C3orf20: variants seen among roughly 807,000 people sequenced by gnomAD.
C3orf20 encodes family with sequence similarity 149 member C, also known as uncharacterized protein C3orf20.
A neutral mutation model predicts 88.3 loss-of-function variants in C3orf20; 76 were observed. The ratio of observed to expected loss-of-function variants is 0.86; its 90% confidence interval spans 0.72 to 1.04. The LOEUF (loss-of-function observed/expected upper bound fraction) is 1.04, where lower values mean the gene tolerates loss of function less well. C3orf20 is among the 50% of genes least tolerant of loss of function. C3orf20 has a pLI of 0.00. For synonymous variants in C3orf20, 436 were observed against 437.4 expected (o/e 1.00, Z 0.04); for missense variants, 1,056 against 1,123.3 (o/e 0.94, Z 0.86).
chr3:14,690,300 T>A (rs559124794), intron 5 of C3orf20, among the ~76,000 whole-genome samples, 184 bp downstream of exon 5: 1 of 152,298 alleles, frequency 6.6e-6, no homozygotes, highest in South Asian at 2.1e-4. Flanking sequence ...GGAAAGGTTG[T>A]CACAGTCCAG....
chr3:14,721,709 C>T lies in C3orf20; in HGVS notation c.1491C>T (p.Phe497=), dbSNP rs2034168426. ...VLGQDSITVT[F]TSLNETVTLT... is the part of the protein sequence containing the mutation. Reference sequence around the variant, plus strand: ...GACAGGACTCCATCACAGTCACCTTCACCTCCCTGAATGAGACAGTAACAC... The same window carrying T: ...GACAGGACTCCATCACAGTCACCTTTACCTCCCTGAATGAGACAGTAACAC... Residue 497 remains phenylalanine, a synonymous_variant, in exon 10 of 17, where the codon TTC becomes TTT. Coordinates refer to ENST00000253697, the MANE Select transcript of C3orf20 (RefSeq NM_032137.5). 3 of 1,614,098 alleles carry T rather than the reference C, an allele frequency of 1.9e-6. No individual in the cohort carries two copies. Among genetic ancestry groups the T allele is most frequent in the Non-Finnish European group, 2.5e-6 (3 of 1,180,036 alleles).
chr3:14,742,229 A>G (rs1474754826), intron 12 of C3orf20, among the ~76,000 whole-genome samples: 1 of 152,244 alleles, frequency 6.6e-6, no homozygotes, highest in African/African-American at 2.4e-5. Flanking sequence ...GTAGTAGGGA[A>G]AAGAGAATTT....
At chr3:14,679,897 C>T (rs2031994203) in intron 1 of C3orf20, among the ~76,000 whole-genome samples, 1 of 152,072 alleles carries the variant, frequency 6.6e-6, no homozygotes, top group Non-Finnish European at 1.5e-5. Flanking sequence ...TATAAAATGG[C>T]CAATAAGCAT....
At chr3:14,708,595 T>C (rs2033616844) in intron 7 of C3orf20, among the ~76,000 whole-genome samples, 1 of 152,188 alleles carries the variant, frequency 6.6e-6, no homozygotes, top group Non-Finnish European at 1.5e-5. Flanking sequence ...ATTGCATTGA[T>C]TCTGTAGATC....
intron 4 of C3orf20, among the ~76,000 whole-genome samples, chr3:14,684,823 G>C (rs1387214776): frequency 6.6e-6 from 1 of 152,198 alleles, no homozygotes. Context: ...GTCAGTGGCA[G>C]TCCACAGGCT....
Position 14,683,074 on chromosome 3 carries a change from C to T in C3orf20, c.361C>T (p.Pro121Ser). 5 of 1,611,736 alleles carry T rather than the reference C, an allele frequency of 3.1e-6. No homozygotes were observed. Among genetic ancestry groups the T allele is most frequent in the Non-Finnish European group, 4.2e-6 (5 of 1,178,874 alleles). The change falls in exon 3 of 17, where the codon CCC becomes TCC. Residue 121 changes from proline (P) to serine (S), a missense_variant. Physicochemically the swap from Pro to Ser is moderately conservative, Grantham distance 74. Transcript: ENST00000253697. ...GGCAGCCAAGCGCTCCACCCTCTCT[C>T]CCACCATGGCCCGTCAGGTGCGCAC... ...TGAAKRSTLS[P>S]TMARQVRTHQ...
At chr3:14,729,463 G>A (rs573727385) in intron 12 of C3orf20, among the ~76,000 whole-genome samples, 1 of 152,254 alleles carries the variant, frequency 6.6e-6, no homozygotes, top group Admixed American at 6.5e-5. Flanking sequence ...ACGAATTGAC[G>A]ACTGAGACGT....
intron 12 of C3orf20, among the ~76,000 whole-genome samples, chr3:14,729,450 G>A (rs746111685): frequency 5.3e-5 from 8 of 152,276 alleles, no homozygotes; most frequent in Non-Finnish European, 1.0e-4. Context: ...AGGGGACAAC[G>A]ACACGAATTG....
chr3:14,702,637 C>T (rs1356312284), intron 5 of C3orf20, among the ~76,000 whole-genome samples: 1 of 152,068 alleles, frequency 6.6e-6, no homozygotes, highest in East Asian at 1.9e-4. Flanking sequence ...GACGGGGTTT[C>T]ACCATGTTGG....
intron 10 of C3orf20, chr3:14,722,712 AG>A: frequency 2.5e-6 from 1 of 395,864 alleles, no homozygotes; most frequent in East Asian, 7.2e-5. Flanking sequence ...GCCCAGCATG[AG>A]GACTACTTCA....
intron 5 of C3orf20, among the ~76,000 whole-genome samples, chr3:14,695,379 T>A (rs928381441): frequency 2.6e-4 from 39 of 152,160 alleles, no homozygotes; most frequent in Non-Finnish European, 4.6e-4. Flanking sequence ...TTTTTTTTTT[T>A]AAATGTTTTA....
intron 12 of C3orf20, among the ~76,000 whole-genome samples, chr3:14,739,726 A>T (rs1221961016): frequency 6.6e-6 from 1 of 152,256 alleles, no homozygotes; most frequent in Non-Finnish European, 1.5e-5. Flanking sequence ...CACCTTCATC[A>T]ATGATCTTAA....
At chr3:14,686,924 G>T (rs1439107999) in intron 4 of C3orf20, among the ~76,000 whole-genome samples, 1 of 152,146 alleles carries the variant, frequency 6.6e-6, no homozygotes. Context: ...CACACATACA[G>T]TGCAAATAAA....
chr3:14,684,519 A>C, intron 4 of C3orf20, 137 bp downstream of exon 4: 2 of 1,199,438 alleles, frequency 1.7e-6, no homozygotes, highest in South Asian at 3.1e-5. Flanking sequence ...AGGGATTTTC[A>C]AATGCTACAG....
At chr3:14,715,554 A>C in intron 9 of C3orf20, 145 bp downstream of exon 9, 2,348 of 1,080,032 alleles carry the variant, frequency 2.2e-3, no homozygotes, top group Non-Finnish European at 2.6e-3. Flanking sequence ...TCATAATCTC[A>C]TTCAGAGGTT....
At chr3:14,731,552 C>T (rs1191667887) in intron 12 of C3orf20, among the ~76,000 whole-genome samples, 1 of 152,166 alleles carries the variant, frequency 6.6e-6, no homozygotes, top group Non-Finnish European at 1.5e-5. Flanking sequence ...CTAGCATGCT[C>T]CTTTCTCTAG....
intron 7 of C3orf20, among the ~76,000 whole-genome samples, chr3:14,705,444 T>A (rs2033459635): frequency 6.6e-6 from 1 of 152,242 alleles, no homozygotes; most frequent in African/African-American, 2.4e-5. Context: ...GTATCGAGTA[T>A]CTGTCACGTG....
chr3:14,676,377 C>A (rs925140946), intron 1 of C3orf20, among the ~76,000 whole-genome samples: 1 of 152,112 alleles, frequency 6.6e-6, no homozygotes, highest in Admixed American at 6.5e-5. Flanking sequence ...GGCTTTGTAT[C>A]TCTGTGTCCA....
At chr3:14,751,451 G>A (rs561839664) in intron 12 of C3orf20, among the ~76,000 whole-genome samples, 36 of 152,318 alleles carry the variant, frequency 2.4e-4, no homozygotes, top group Admixed American at 1.1e-3. Context: ...GGCGTCAAGG[G>A]ATTTCCCTTT....
Sources: gnomAD v4.1 joint callset for allele counts (sites outside exome capture counted in the v4.1 genomes callset) on GRCh38, gnomAD v4.1.1 for gene constraint, MANE v1.5 for transcripts, NCBI Gene and HGNC (gene_info 2026-07-23, HGNC 2026-07-21) for gene names.